The following FAM228B variants were observed in gnomAD, a reference collection of about 807,000 sequenced individuals.
FAM228B encodes the protein protein FAM228B.
A neutral mutation model predicts 42.6 loss-of-function variants in FAM228B; 38 were observed. That is an observed-to-expected ratio of 0.89 (90% confidence interval 0.69 to 1.17). FAM228B has a LOEUF of 1.17. Among genes scored for constraint, FAM228B ranks in the 50% most tolerant of loss-of-function variants. The pLI, the probability that FAM228B is intolerant of heterozygous loss-of-function variation, is 0.00. For missense variants in FAM228B, 344 were observed against 367.3 expected (o/e 0.94, Z 0.52); for synonymous variants, 109 against 122.3 (o/e 0.89, Z 0.72).
intron 7 of FAM228B, among the ~76,000 whole-genome samples, chr2:24,156,786 C>G (rs1428791896): frequency 8.3e-6 from 1 of 120,902 alleles, no homozygotes; most frequent in African/African-American, 3.0e-5. Context: ...CCCCCCCCCC[C>G]CAGCTTTTTG....
chr2:24,142,397 T>C (rs983175513), intron 5 of FAM228B: 4 of 152,228 alleles, frequency 2.6e-5, no homozygotes, highest in Non-Finnish European at 5.9e-5. Flanking sequence ...TCCCTTCAGA[T>C]GGATCTTCAG....
rs2151035567 is a variant in FAM228B at position 24,169,141 on chromosome 2, C to T, written c.*15-215C>T. Among the ~76,000 whole-genome samples the T allele has an allele frequency of 6.6e-6, 1 of 152,262 alleles. No individual in the cohort carries two copies. The highest frequency in any genetic ancestry group is 6.5e-5 in the Admixed American group (1 of 15,302). On this transcript the variant is annotated intron_variant, in intron 10 of 10. Coordinates refer to ENST00000615575, the MANE Select transcript of FAM228B (RefSeq NM_001145710.2). The surrounding 1 kb of genome is among the most constrained non-coding windows in gnomAD (Gnocchi z 4.2). ...ATCCACCCCATCTATTTGACCATGTCCCTGAATCTCTCAGTGCTTCTGACT... is the reference window on the plus strand; with the variant it reads ...ATCCACCCCATCTATTTGACCATGTTCCTGAATCTCTCAGTGCTTCTGACT...
intron 2 of FAM228B, among the ~76,000 whole-genome samples, chr2:24,092,218 CA>C (rs34189159): frequency 0.13 from 3,934 of 29,962 alleles, 11 homozygotes; most frequent in Non-Finnish European, 0.17. Flanking sequence ...GACTCTGTCT[CA>C]AAAAAAAAAA....
chr2:24,156,762 A>C (rs1177016109), intron 7 of FAM228B, among the ~76,000 whole-genome samples: 1 of 110,022 alleles, frequency 9.1e-6, no homozygotes. Context: ...ACACTGTTAT[A>C]CATTTCTTTC....
intron 7 of FAM228B, among the ~76,000 whole-genome samples, chr2:24,155,523 A>AT (rs1667115999): frequency 1.4e-3 from 36 of 25,846 alleles, no homozygotes; most frequent in East Asian, 2.7e-3. Context: ...ATATATATAT[A>AT]TATATATATT....
chr2:24,098,709 A>G (rs181062332), intron 3 of FAM228B, among the ~76,000 whole-genome samples: 1,750 of 152,388 alleles, frequency 0.011, 20 homozygotes, highest in Non-Finnish European at 0.019. Context: ...AGGTACAAAG[A>G]GGAGCTGGTA....
At chr2:24,164,124 T>A (rs1324035187) in intron 8 of FAM228B, 74 bp from the exon 9 acceptor site, 39 of 1,330,602 alleles carry the variant, frequency 2.9e-5, no homozygotes, top group Non-Finnish European at 3.9e-5. Context: ...ACTTCAAATT[T>A]AAATAAAAAT....
intron 2 of FAM228B, among the ~76,000 whole-genome samples, chr2:24,124,710 G>C (rs1666261456): frequency 6.6e-6 from 1 of 151,970 alleles, no homozygotes; most frequent in Admixed American, 6.5e-5. Flanking sequence ...TTGAGGTACT[G>C]CCTTAGCTGC....
At chr2:24,078,571 A>G (rs754941825) in intron 1 of FAM228B, among the ~76,000 whole-genome samples, 24 of 152,020 alleles carry the variant, frequency 1.6e-4, no homozygotes, top group Non-Finnish European at 3.5e-4. Flanking sequence ...AAGAGACCAC[A>G]TAGGAGCTAA....
At chr2:24,154,381 G>A (rs1667087079) in intron 7 of FAM228B, among the ~76,000 whole-genome samples, 1 of 152,288 alleles carries the variant, frequency 6.6e-6, no homozygotes, top group Admixed American at 6.5e-5. Context: ...GGTGTCTGTT[G>A]TTCAGATCAT....
At chr2:24,166,767 G>A (rs1489700138) in intron 9 of FAM228B, among the ~76,000 whole-genome samples, 1 of 152,168 alleles carries the variant, frequency 6.6e-6, no homozygotes, top group African/African-American at 2.4e-5. Context: ...AGTCAGAGGA[G>A]GCTTCTCCTC....
intron 7 of FAM228B, among the ~76,000 whole-genome samples, chr2:24,151,610 G>A (rs1573778107): frequency 1.5e-5 from 1 of 67,048 alleles, no homozygotes; most frequent in Non-Finnish European, 2.7e-5. Context: ...AGATTTTTTG[G>A]TGATTTTTTT....
At chr2:24,110,809 T>C (rs1274591993) in intron 3 of FAM228B, among the ~76,000 whole-genome samples, 7 of 152,248 alleles carry the variant, frequency 4.6e-5, no homozygotes, top group Admixed American at 1.3e-4. Flanking sequence ...GTGTGGGTAG[T>C]GCGGGTAGCC....
intron 2 of FAM228B, among the ~76,000 whole-genome samples, chr2:24,094,681 C>T (rs1392128289): frequency 1.3e-5 from 2 of 152,166 alleles, no homozygotes; most frequent in East Asian, 3.9e-4. Flanking sequence ...GACAGTCTCA[C>T]TATGTTGCCT....
upstream of FAM228B, chr2:24,119,572 C>G (rs369445740): frequency 1.2e-6 from 2 of 1,611,178 alleles, no homozygotes; most frequent in Non-Finnish European, 1.7e-6. Context: ...AGGAGGCCAA[C>G]TTACCCAGGC....
intron 2 of FAM228B, chr2:24,082,951 TC>T: frequency 6.2e-7 from 1 of 1,613,934 alleles, no homozygotes; most frequent in Non-Finnish European, 8.5e-7. Flanking sequence ...TGGGTCAGGG[TC>T]AATCCCTCTG....
chr2:24,084,604 G>C lies in FAM228B; in HGVS notation c.-210+3649G>C. ...CACAGATGGGAACGGCGGGAAGTGG[G>C]ATGGCGGTACAGGGCTGGATGCGGC... On this transcript the variant is annotated intron_variant, in intron 2 of 10. Coordinates refer to the FAM228B transcript ENST00000613899. The surrounding 1 kb of genome is among the most constrained non-coding windows in gnomAD (Gnocchi z 8.4). 2.5e-6 allele frequency: 1 copy of C among 400,910 alleles called. No homozygotes were observed. The highest frequency in any genetic ancestry group is 2.1e-5 in the African/African-American group (1 of 47,530). 24.8% of individuals were successfully genotyped at this position (400,910 alleles called of 1,614,324 possible).
At chr2:24,143,649 C>G (rs1460361542) in intron 5 of FAM228B, among the ~76,000 whole-genome samples, 1 of 152,128 alleles carries the variant, frequency 6.6e-6, no homozygotes, top group East Asian at 1.9e-4. Flanking sequence ...AAATGTAAAA[C>G]AGTGTTACTC....
intron 2 of FAM228B, among the ~76,000 whole-genome samples, chr2:24,092,929 C>CAG (rs1665420865): frequency 7.3e-6 from 1 of 137,596 alleles, no homozygotes. Context: ...TTTATGCACA[C>CAG]ACACACACAC....
Sources: allele counts gnomAD v4.1 joint callset (sites outside exome capture counted in the v4.1 genomes callset), GRCh38; gene constraint gnomAD v4.1.1; non-coding constraint Gnocchi (gnomAD v3.1); transcripts MANE v1.5; gene names NCBI Gene and HGNC (gene_info 2026-07-23, HGNC 2026-07-21).